Variants in FGG observed in about 807,000 individuals in gnomAD.
FGG encodes fibrinogen gamma chain.
In FGG, 20 loss-of-function variants were observed where a neutral mutation model predicts 51.7. That is an observed-to-expected ratio of 0.39 (90% confidence interval 0.27 to 0.56). The LOEUF is 0.56. FGG is among the 20% of genes least tolerant of loss of function. The pLI is 0.64. For synonymous variants in FGG, 184 were observed against 184.7 expected (o/e 1.00, Z 0.03); for missense variants, 460 against 534.2 (o/e 0.86, Z 1.37).
At position 154,612,104 on chromosome 4, in the gene FGG, T is replaced by G. The variant is rs757041089; in HGVS notation, c.221A>C (p.His74Pro). ...TTCTGATGTTTTGTTTTCAACTTGA[T>G]GTAAGATGTCTTCCAAAGACTGTAG... ...KDLQSLEDIL[H>P]QVENKTSEVK... The change falls in exon 3 of 9, where the codon CAT becomes CCT. Residue 74 changes from histidine to proline, a missense_variant. By Grantham distance (77) the His-to-Pro change is moderately conservative (BLOSUM62 -2). Coordinates refer to ENST00000336098, the MANE Select transcript of FGG (RefSeq NM_021870.3). 1 of 1,612,836 alleles carries G rather than the reference T, an allele frequency of 6.2e-7. No homozygotes were observed. The highest frequency in any genetic ancestry group is 8.5e-7 in the Non-Finnish European group (1 of 1,179,726).
At chr4:154,606,504 A>G (rs1731098905) in intron 8 of FGG, among the ~76,000 whole-genome samples, 1 of 152,194 alleles carries the variant, frequency 6.6e-6, no homozygotes, top group Non-Finnish European at 1.5e-5. Context: ...CAGCAGGTGG[A>G]TTTCTTTAGA....
rs367824435 is a variant in FGG at position 154,612,606 on chromosome 4, T to G, written c.4A>C (p.Ser2Arg). Reference sequence around the variant, plus strand: ...AAATTCCGGGGGTGCAAGGACCAACTCATGATGTCTGAGTGCCCGGAGCTC... The same window carrying G: ...AAATTCCGGGGGTGCAAGGACCAACGCATGATGTCTGAGTGCCCGGAGCTC... Reference protein sequence around the residue: MSWSLHPRNLIL... With the variant: MRWSLHPRNLIL... The change falls in exon 1 of 9, where the codon AGT becomes CGT. Residue 2 changes from serine (S) to arginine (R), a missense_variant. Physicochemically the swap from Ser to Arg is moderately radical, Grantham distance 110. Transcript: ENST00000336098. 12 of 1,613,548 alleles carry G rather than the reference T, an allele frequency of 7.4e-6. No individual in the cohort carries two copies. In the African/African-American group the frequency reaches 1.3e-4, roughly 18 times the overall value.
chr4:154,612,311 G>A (rs1036284694), intron 2 of FGG, 80 bp downstream of exon 2: 11 of 1,584,226 alleles, frequency 6.9e-6, no homozygotes, highest in Non-Finnish European at 9.5e-6. Context: ...AGTGCCAGAT[G>A]ATATTTATGA....
At chr4:154,606,249 T>C (rs1305400744) in intron 8 of FGG, among the ~76,000 whole-genome samples, 1 of 152,142 alleles carries the variant, frequency 6.6e-6, no homozygotes, top group East Asian at 1.9e-4. Context: ...TCTCAAGCTT[T>C]CACAAACCCC....
In FGG at chr4:154,608,699, A is replaced by T. The variant is rs6064; in HGVS notation, c.667-49T>A. On this transcript the variant is annotated intron_variant, in intron 6 of 8. Coordinates refer to ENST00000336098, the MANE Select transcript of FGG (RefSeq NM_021870.3). ...AAAGGAGAAAATAGACTATCAATGC[A>T]TGTAAAGAGAATGCTGTCAACATTT... is the stretch of plus-strand genomic sequence containing the variant. The T allele has an allele frequency of 1.0e-3, 1,506 of 1,507,110 alleles. 16 individuals carry two copies. The African/African-American group carries it at 0.018, about 18-fold the overall frequency. The allele number at this position is 1,507,110 out of a possible 1,614,324, so 93.4% of individuals were successfully genotyped here. A position where few individuals can be genotyped will look rare whatever the true frequency, so the allele number is the denominator to read the frequency against.
chr4:154,612,071 T>C lies in FGG; in HGVS notation c.254A>G (p.Gln85Arg). The C allele has an allele frequency of 1.2e-6, 2 of 1,613,034 alleles. No homozygotes were observed. Among genetic ancestry groups the C allele is most frequent in the Non-Finnish European group, 1.7e-6 (2 of 1,179,730 alleles). ...AGTGAGTTGGATTGCTTTTATCAGC[T>C]GTTTGACTTCTGATGTTTTGTTTTC... ...QVENKTSEVK[Q>R]LIKAIQLTYN... Residue 85 changes from glutamine to arginine, a missense_variant, in exon 3 of 9, where the codon CAG becomes CGG. By Grantham distance (43) the Gln-to-Arg change is conservative. Transcript: ENST00000336098.
chr4:154,609,852 C>A (rs1405669622), intron 5 of FGG, 89 bp from the exon 6 acceptor site: 1 of 1,580,216 alleles, frequency 6.3e-7, no homozygotes, highest in African/African-American at 1.3e-5. Flanking sequence ...ATGTAGTAAA[C>A]TATTCATTTT....
At chr4:154,609,891 C>G in intron 5 of FGG, 128 bp from the exon 6 acceptor site, 1 of 1,530,598 alleles carries the variant, frequency 6.5e-7, no homozygotes, top group Non-Finnish European at 9.0e-7. Flanking sequence ...CTTTTCACAT[C>G]AGCATTCCTT....
At position 154,612,190 on chromosome 4, in the gene FGG, A is replaced by G. The variant is rs1366572575; in HGVS notation, c.135T>C (p.Cys45=). Residue 45 remains cysteine (C), a synonymous_variant, in exon 3 of 9, where the codon TGT becomes TGC. Coordinates refer to ENST00000336098, the MANE Select transcript of FGG (RefSeq NM_021870.3). ...AATCTGCAATGCCACAGGTAGTTGG[A>G]CAATAACTACCCTGAAAATATAACA... ...CILDERFGSY[C]PTTCGIADFL... 6.2e-7 allele frequency: 1 copy of G among 1,609,364 alleles called. No homozygotes were observed.
intron 4 of FGG, chr4:154,611,519 T>A (rs1731211223): frequency 4.3e-6 from 1 of 230,348 alleles, no homozygotes; most frequent in African/African-American, 2.3e-5. Context: ...TGTTGTAAGA[T>A]AAATGGGGGA....
chr4:154,604,442 G>A lies in FGG; in HGVS notation c.*392C>T. The A allele has an allele frequency of 8.2e-7, 1 of 1,214,600 alleles. No homozygotes were observed. The highest frequency in any genetic ancestry group is 1.6e-5 in the African/African-American group (1 of 61,926). The allele number at this position is 1,214,600 out of a possible 1,614,324, so 75.2% of individuals were successfully genotyped here. On this transcript the variant is annotated 3_prime_UTR_variant, in exon 9 of 9. Transcript: ENST00000336098. ...AAGAATTAAATAGGAATGATTTAGG[G>A]GTAATAAACAAGGAAAATACCTGGG...
chr4:154,609,813 TG>T, intron 5 of FGG, 50 bp from the exon 6 acceptor site: 1 of 1,613,634 alleles, frequency 6.2e-7, no homozygotes, highest in Non-Finnish European at 8.5e-7. Flanking sequence ...CAGGTAAGAC[TG>T]TGCCAGCCTT....
Position 154,604,330 on chromosome 4 carries a change from A to T in FGG, c.*504T>A. On this transcript the variant is annotated 3_prime_UTR_variant, in exon 9 of 9. Coordinates refer to ENST00000336098, the MANE Select transcript of FGG (RefSeq NM_021870.3). ...CCTTTAAAAAAGTAAATCTCTTTTG[A>T]AACGGTCTTTTAAACGTCTCCAGCC... is the stretch of plus-strand genomic sequence containing the variant. The T allele has an allele frequency of 6.6e-7, 1 of 1,515,730 alleles. No individual in the cohort carries two copies. Among genetic ancestry groups the T allele is most frequent in the African/African-American group, 1.4e-5 (1 of 70,708 alleles). The allele number at this position is 1,515,730 out of a possible 1,614,324, so 93.9% of individuals were successfully genotyped here.
At chr4:154,605,843 G>A (rs2110840079) in intron 8 of FGG, among the ~76,000 whole-genome samples, 1 of 152,106 alleles carries the variant, frequency 6.6e-6, no homozygotes, top group East Asian at 2.0e-4. Context: ...GGTAGATGAG[G>A]AGACTATGGT....
intron 8 of FGG, among the ~76,000 whole-genome samples, chr4:154,606,375 T>C (rs1336864585): frequency 6.6e-6 from 1 of 152,196 alleles, no homozygotes; most frequent in Non-Finnish European, 1.5e-5. Context: ...AGCATCCATG[T>C]AGTAATGTTA....
intron 4 of FGG, 89 bp from the exon 5 acceptor site, chr4:154,610,286 T>C: frequency 9.7e-7 from 1 of 1,028,462 alleles, no homozygotes; most frequent in South Asian, 1.4e-5. Flanking sequence ...CTTTGGAAAC[T>C]GCTAAGTATT....
chr4:154,604,256 G>A lies in FGG; in HGVS notation c.*578C>T, dbSNP rs1172059362. On this transcript the variant is annotated 3_prime_UTR_variant, in exon 9 of 9. Coordinates refer to ENST00000336098, the MANE Select transcript of FGG (RefSeq NM_021870.3). ...CTTAAAATGAAGTGAAGCTTTGCAAGTCCATTGTCCAATAGGAAAAATATT... is the reference window on the plus strand; with the variant it reads ...CTTAAAATGAAGTGAAGCTTTGCAAATCCATTGTCCAATAGGAAAAATATT... 3 of 1,099,664 alleles carry A rather than the reference G, an allele frequency of 2.7e-6. No homozygotes were observed. Among genetic ancestry groups the A allele is most frequent in the East Asian group, 2.9e-5 (1 of 33,932 alleles). The allele number at this position is 1,099,664 out of a possible 1,614,324, so 68.1% of individuals were successfully genotyped here.
chr4:154,609,052 T>C (rs1310468082), intron 6 of FGG, among the ~76,000 whole-genome samples: 1 of 152,156 alleles, frequency 6.6e-6, no homozygotes, highest in African/African-American at 2.4e-5. Context: ...GAGCGCCCCC[T>C]GTAGAAACAG....
Position 154,605,047 on chromosome 4 carries a change from T to A in FGG, c.1149A>T (p.Ala383=). Residue 383 remains alanine, a synonymous_variant, in exon 9 of 9, where the codon GCA becomes GCT. Coordinates refer to ENST00000336098, the MANE Select transcript of FGG (RefSeq NM_021870.3). The part of the protein sequence containing the change: ...VYYQGGTYSK[A]STPNGYDNGI... The stretch of plus-strand genomic sequence containing the variant: ...CATTATCATAACCATTAGGAGTAGA[T>A]GCTTTTGAGTAAGTGCCACCTAAAA... The A allele has an allele frequency of 6.2e-7, 1 of 1,614,026 alleles. No individual in the cohort carries two copies. The highest frequency in any genetic ancestry group is 2.2e-5 in the East Asian group (1 of 44,880).
Sources: gnomAD v4.1 joint callset for allele counts (sites outside exome capture counted in the v4.1 genomes callset) on GRCh38, gnomAD v4.1.1 for gene constraint, MANE v1.5 for transcripts, NCBI Gene and HGNC (gene_info 2026-07-23, HGNC 2026-07-21) for gene names.